Variants in TENM1 observed in about 807,000 individuals in gnomAD.
The protein encoded by TENM1 is teneurin-1.
TENM1 carries 35 observed loss-of-function variants against 174.8 expected under a neutral mutation model. The observed-to-expected ratio is 0.20, with a 90% confidence interval of 0.15 to 0.27. The LOEUF is 0.27. TENM1 is among the 10% of genes least tolerant of loss of function. TENM1 has a pLI of 1.00. For synonymous variants in TENM1, 781 were observed against 798.7 expected (o/e 0.98, Z 0.37); for missense variants, 1,633 against 2,130.1 (o/e 0.77, Z 4.59).
chrX:125,145,971 G>A, the TENM1 span, among the ~76,000 whole-genome samples: 1 of 111,628 alleles, frequency 9.0e-6, no homozygotes, highest in African/African-American at 3.3e-5. Flanking sequence ...AATTTTACTA[G>A]GCAACATATA....
the TENM1 span, among the ~76,000 whole-genome samples, chrX:125,151,727 G>C: frequency 1.8e-5 from 2 of 111,428 alleles, no homozygotes; most frequent in African/African-American, 3.3e-5. Flanking sequence ...CAACTTTGGG[G>C]ACATCTGTCA....
intron 1 of TENM1, among the ~76,000 whole-genome samples, chrX:124,901,890 G>A (rs1285584182): frequency 4.5e-5 from 5 of 111,820 alleles, no homozygotes; most frequent in Admixed American, 1.9e-4. Context: ...ACCATGACCT[G>A]AGAAATTTGG....
chrX:124,909,010 C>T lies in TENM1; in HGVS notation c.218-12769G>A, dbSNP rs144349399. On this transcript the variant is annotated intron_variant, in intron 1 of 31. Transcript: ENST00000422452. ...AGTAGCTGAGATTATAGGCACCCGC[C>T]ACCATGCTTGGCTAATTTTTGTACT... is the stretch of plus-strand genomic sequence containing the variant. 1.9e-3 allele frequency among the ~76,000 whole-genome samples: 208 copies of T among 111,031 alleles called. 2 individuals are homozygous for T. Among genetic ancestry groups the T allele is most frequent in the African/African-American group, 6.6e-3 (202 of 30,501 alleles).
Position 124,881,088 on chromosome X carries a change from A to C in TENM1, c.535+13208T>G, listed in dbSNP as rs758972185. Among the ~76,000 whole-genome samples, 6 of 112,063 alleles carry C rather than the reference A, an allele frequency of 5.4e-5. No individual in the cohort carries two copies. The Admixed American group carries it at 5.7e-4, about 11-fold the overall frequency. ...ATTCCACCTTCTTCAACTTTTTGAA[A>C]TAGTTTGAGGAGAATTGGTGTTAGT... On this transcript the variant is annotated intron_variant, in intron 3 of 31. Coordinates refer to ENST00000422452, the Ensembl canonical transcript of TENM1.
chrX:124,729,814 G>A lies in TENM1; in HGVS notation c.776+7143C>T, dbSNP rs148121593. ...ATGTATCGTCAAAATGTGGGAGAAG[G>A]GGGATGGTTCTGATGATTTGGAACA... On this transcript the variant is annotated intron_variant, in intron 4 of 31. Coordinates refer to ENST00000422452, the Ensembl canonical transcript of TENM1. Among the ~76,000 whole-genome samples the A allele has an allele frequency of 2.8e-3, 314 of 112,072 alleles. 4 individuals carry two copies. The highest frequency in any genetic ancestry group is 0.023 in the East Asian group (81 of 3,555).
intron 1 of TENM1, among the ~76,000 whole-genome samples, chrX:124,942,372 T>C (rs943218394): frequency 4.5e-5 from 5 of 111,752 alleles, no homozygotes; most frequent in African/African-American, 3.3e-5. Flanking sequence ...ACAAAAGTTT[T>C]GAAATCCTCC....
the TENM1 span, among the ~76,000 whole-genome samples, chrX:125,060,222 G>A: frequency 1.1e-5 from 1 of 93,679 alleles, no homozygotes; most frequent in African/African-American, 3.9e-5. Flanking sequence ...CATCCTATTT[G>A]TTCTATTTCT....
In TENM1 at chrX:124,427,452, C is replaced by T. The variant is rs189539098; in HGVS notation, c.4105-4814G>A. On this transcript the variant is annotated intron_variant, in intron 23 of 31. Transcript: ENST00000422452. ...CTTTTCCATGGAATAAGTCACCCTC[C>T]GGCATCTTCCTGTGACTAAAGTGCC... is the stretch of plus-strand genomic sequence containing the variant. Among the ~76,000 whole-genome samples, 27 of 112,281 alleles carry T rather than the reference C, an allele frequency of 2.4e-4. 1 individual carries two copies. The highest frequency in any genetic ancestry group is 2.3e-3 in the Admixed American group (24 of 10,601).
At chrX:124,921,849 G>A (rs916698080) in intron 1 of TENM1, among the ~76,000 whole-genome samples, 3 of 111,773 alleles carry the variant, frequency 2.7e-5, no homozygotes, top group East Asian at 2.8e-4. Context: ...AAATACATGT[G>A]GGATTTTTAA....
chrX:125,068,017 AAC>A, the TENM1 span, among the ~76,000 whole-genome samples: 1 of 111,805 alleles, frequency 8.9e-6, no homozygotes, highest in Non-Finnish European at 1.9e-5. Context: ...TTTTAAGTAA[AAC>A]ACACTCTGAT....
intron 23 of TENM1, among the ~76,000 whole-genome samples, chrX:124,452,662 C>T (rs973968815): frequency 5.4e-5 from 6 of 111,167 alleles, no homozygotes; most frequent in African/African-American, 2.0e-4. Flanking sequence ...AAATGTGGCA[C>T]ATATACACCA....
chrX:124,912,267 C>T (rs947733313), intron 1 of TENM1, among the ~76,000 whole-genome samples: 1 of 111,469 alleles, frequency 9.0e-6, no homozygotes, highest in Non-Finnish European at 1.9e-5. Flanking sequence ...AGGTGAAAAC[C>T]ATGTCAATGG....
chrX:124,515,893 G>A (rs1194226874), intron 18 of TENM1, among the ~76,000 whole-genome samples: 1 of 109,132 alleles, frequency 9.2e-6, no homozygotes, highest in Non-Finnish European at 1.9e-5. Flanking sequence ...AATAGCCAAG[G>A]CAATCCTAAA....
intron 3 of TENM1, among the ~76,000 whole-genome samples, chrX:124,852,540 G>A (rs947485344): frequency 4.5e-5 from 5 of 110,931 alleles, no homozygotes; most frequent in African/African-American, 1.6e-4. Flanking sequence ...AGATGTTGAT[G>A]CCATTAACTA....
intron 4 of TENM1, among the ~76,000 whole-genome samples, chrX:124,722,421 A>T (rs752461703): frequency 1.7e-4 from 19 of 111,567 alleles, no homozygotes; most frequent in African/African-American, 6.2e-4. Flanking sequence ...CCTCGGAAAT[A>T]TGATGTATAT....
intron 22 of TENM1, among the ~76,000 whole-genome samples, chrX:124,480,444 T>C (rs2046817730): frequency 9.1e-6 from 1 of 110,430 alleles, no homozygotes; most frequent in Non-Finnish European, 1.9e-5. Flanking sequence ...AAGTAATAAG[T>C]GACCATCTAA....
chrX:125,001,973 A>ACACACACACAC, the TENM1 span, among the ~76,000 whole-genome samples: 2 of 97,843 alleles, frequency 2.0e-5, no homozygotes, highest in African/African-American at 7.6e-5. Flanking sequence ...ACACACACAC[A>ACACACACACAC]AGATCAAGTC....
intron 11 of TENM1, among the ~76,000 whole-genome samples, chrX:124,582,635 C>T (rs1419589630): frequency 8.9e-6 from 1 of 111,905 alleles, no homozygotes; most frequent in African/African-American, 3.3e-5. Context: ...TCTGCATTTC[C>T]ATCTGAGATA....
intron 1 of TENM1, among the ~76,000 whole-genome samples, chrX:124,916,114 C>A (rs2057918962): frequency 9.0e-6 from 1 of 110,603 alleles, no homozygotes; most frequent in Non-Finnish European, 1.9e-5. Flanking sequence ...CTACATACTG[C>A]AATCTCACCT....
Sources: allele counts gnomAD v4.1 joint callset (sites outside exome capture counted in the v4.1 genomes callset), GRCh38; gene constraint gnomAD v4.1.1; transcripts MANE v1.5; gene names NCBI Gene and HGNC (gene_info 2026-07-23, HGNC 2026-07-21).